The following CTSB variants were observed in gnomAD, a reference collection of about 807,000 sequenced individuals.
CTSB encodes APP secretase.
A neutral mutation model predicts 44.3 loss-of-function variants in CTSB; 57 were observed. That is an observed-to-expected ratio of 1.29 (90% CI 1.04 to 1.60). The LOEUF (loss-of-function observed/expected upper bound fraction) is 1.60, where lower values mean the gene tolerates loss of function less well. Among genes scored for constraint, CTSB ranks in the 40% most tolerant of loss-of-function variants. The pLI is 0.00. For synonymous variants in CTSB, 320 were observed against 168.0 expected (o/e 1.91, Z -7.00); for missense variants, 768 against 443.0 (o/e 1.73, Z -6.59).
intron 4 of CTSB, chr8:11,849,924 A>T (rs967094469): frequency 4.6e-5 from 7 of 152,244 alleles, no homozygotes; most frequent in African/African-American, 1.7e-4. Flanking sequence ...CAGAAAATAA[A>T]TACTGTTGTG....
At chr8:11,859,394 G>C (rs73663032) in intron 1 of CTSB, among the ~76,000 whole-genome samples, 3 of 152,044 alleles carry the variant, frequency 2.0e-5, no homozygotes, top group Admixed American at 2.0e-4. Flanking sequence ...GAGGAGGTGC[G>C]GCTAAGTCAC....
chr8:11,861,160 T>C (rs1337520869), intron 1 of CTSB, among the ~76,000 whole-genome samples: 1 of 152,238 alleles, frequency 6.6e-6, no homozygotes, highest in African/African-American at 2.4e-5. Context: ...CTCGGTCTCA[T>C]CAGTCCCCTG....
chr8:11,861,806 A>T (rs1816456189), intron 1 of CTSB, among the ~76,000 whole-genome samples: 1 of 152,174 alleles, frequency 6.6e-6, no homozygotes. Context: ...TGTTCTGCTC[A>T]TTAGTGTTCT....
At chr8:11,853,782 G>C (rs867199207) in intron 1 of CTSB, 2 of 262,880 alleles carry the variant, frequency 7.6e-6, no homozygotes, top group South Asian at 7.2e-5. Context: ...GCATGGATTT[G>C]TAGAACAGCT....
intron 1 of CTSB, chr8:11,865,670 G>C (rs928756307): frequency 6.6e-6 from 1 of 151,554 alleles, no homozygotes; most frequent in African/African-American, 2.4e-5. Flanking sequence ...TATCTCGAAA[G>C]GACGGTATGT....
intron 1 of CTSB, 162 bp downstream of exon 1, chr8:11,867,839 G>A (rs1397407949): frequency 6.6e-6 from 1 of 151,876 alleles, no homozygotes; most frequent in Admixed American, 6.6e-5. Context: ...CGCCCGTCAG[G>A]GACAGTCCCG....
chr8:11,848,414 G>C (rs1813866499), intron 5 of CTSB: 1 of 605,858 alleles, frequency 1.7e-6, no homozygotes, highest in Non-Finnish European at 3.1e-6. Flanking sequence ...GTCCATACCA[G>C]ACCAGGCTAC....
intron 1 of CTSB, among the ~76,000 whole-genome samples, chr8:11,854,209 C>T (rs901021248): frequency 1.3e-5 from 2 of 152,134 alleles, no homozygotes; most frequent in African/African-American, 2.4e-5. Context: ...GTCTCCTGGG[C>T]GCCTGCATCC....
chr8:11,861,982 C>G (rs1450576816), intron 1 of CTSB, among the ~76,000 whole-genome samples: 1 of 151,938 alleles, frequency 6.6e-6, no homozygotes, highest in African/African-American at 2.4e-5. Context: ...CTGAGGTGGG[C>G]GAATCACGAG....
In CTSB at chr8:11,845,724, C is replaced by T. The variant is rs745768579; in HGVS notation, c.859G>A (p.Val287Met). The T allele has an allele frequency of 2.5e-6, 4 of 1,614,146 alleles. No homozygotes were observed. Among genetic ancestry groups the T allele is most frequent in the African/African-American group, 1.3e-5 (1 of 75,062 alleles). The change falls in exon 9 of 10, where the codon GTG becomes ATG. Residue 287 changes from valine (V) to methionine (M), a missense_variant. By Grantham distance (21) the Val-to-Met change is conservative. Transcript: ENST00000353047. ...AGCCAGTAGGGTGTGCCATTCTCCA[C>T]TCCCCAGCCCAGGATGCGGATGGCA... ...GHAIRILGWGVENGTPYWLVA... is the reference protein window; with the variant it reads ...GHAIRILGWGMENGTPYWLVA...
At position 11,851,023 on chromosome 8, in the gene CTSB, C is replaced by G. The variant is rs374435610; in HGVS notation, c.213-43G>C. 4.3e-5 allele frequency: 63 copies of G among 1,459,118 alleles called. No homozygotes were observed. The African/African-American group carries it at 8.2e-4, about 19-fold the overall frequency. The allele number at this position is 1,459,118 out of a possible 1,614,324, so 90.4% of individuals were successfully genotyped here. A position where few individuals can be genotyped will look rare whatever the true frequency, so the allele number is the denominator to read the frequency against. ...TTCATTACAAGCTCTGATCCCACAA[C>G]TCCCTCCCCAATCCCTGCAAAGGCC... On this transcript the variant is annotated intron_variant, in intron 3 of 9. Coordinates refer to ENST00000353047, the MANE Select transcript of CTSB (RefSeq NM_001908.5).
chr8:11,850,651 T>A (rs1814418843), intron 4 of CTSB: 1 of 430,446 alleles, frequency 2.3e-6, no homozygotes, highest in African/African-American at 2.0e-5. Flanking sequence ...CACGTGGACT[T>A]GCAATCTGCT....
At position 11,842,961 on chromosome 8, in the gene CTSB, A is replaced by G. The variant is rs1281050533; in HGVS notation, c.*2164T>C. 8.0e-5 allele frequency: 4 copies of G among 49,808 alleles called. No individual in the cohort carries two copies. In the Admixed American group the frequency reaches 9.5e-4, roughly 12 times the overall value. 3.1% of individuals were successfully genotyped at this position (49,808 alleles called of 1,614,324 possible). A position where few individuals can be genotyped will look rare whatever the true frequency, so the allele number is the denominator to read the frequency against. On this transcript the variant is annotated 3_prime_UTR_variant, in exon 10 of 10. Transcript: ENST00000353047. The stretch of plus-strand genomic sequence containing the variant: ...CTTTTTTTTTTTTTTTTTTTTTTTA[A>G]TTATTGAGACGGAGCCTTGCGCTGT...
rs1207581680 is a variant in CTSB, at chr8:11,847,687, T to A, written c.668A>T (p.Lys223Met). 6.4e-7 allele frequency: 1 copy of A among 1,566,850 alleles called. No homozygotes were observed. The highest frequency in any genetic ancestry group is 8.6e-7 in the Non-Finnish European group (1 of 1,159,534). Residue 223 changes from lysine to methionine, a missense_variant, in exon 7 of 10, where the codon AAG (lysine) becomes ATG (methionine). Coordinates refer to ENST00000353047, the MANE Select transcript of CTSB (RefSeq NM_001908.5). Reference protein sequence around the residue: ...PGYSPTYKQDKHYGYNSYSVS... With the variant: ...PGYSPTYKQDMHYGYNSYSVS... ...GGCCCCAGGCCCCTTACCGTAGTGC[T>A]TGTCCTGTTTGTAGGTCGGGCTGTA...
At chr8:11,851,622 GC>G (rs1563403959) in intron 3 of CTSB, among the ~76,000 whole-genome samples, 1 of 152,136 alleles carries the variant, frequency 6.6e-6, no homozygotes, top group Admixed American at 6.5e-5. Flanking sequence ...CTGCTCTCCT[GC>G]CTCAACCTCT....
At chr8:11,867,020 TG>T (rs151072284) in intron 1 of CTSB, among the ~76,000 whole-genome samples, 1 of 152,122 alleles carries the variant, frequency 6.6e-6, no homozygotes, top group Non-Finnish European at 1.5e-5. Context: ...CCAGTGGGTT[TG>T]GGGGGTCTCT....
chr8:11,850,318 CTG>C (rs1563399061), intron 4 of CTSB, among the ~76,000 whole-genome samples: 1 of 147,180 alleles, frequency 6.8e-6, no homozygotes, highest in Non-Finnish European at 1.5e-5. Flanking sequence ...ACTGGGGAGA[CTG>C]AGGCAGGAGA....
chr8:11,854,123 G>A (rs917431542), intron 1 of CTSB, among the ~76,000 whole-genome samples: 1 of 152,218 alleles, frequency 6.6e-6, no homozygotes, highest in African/African-American at 2.4e-5. Context: ...ACTGGCTCAT[G>A]AGTCACAAGC....
Position 11,844,413 on chromosome 8 carries a change from C to CCTAAA in CTSB, c.*707_*711dup, listed in dbSNP as rs747937459. On this transcript the variant is annotated 3_prime_UTR_variant, in exon 10 of 10. Transcript: ENST00000353047. ...TCAAAAACAGTAAAAGCTGGTTTCT[C>CCTAAA]CTAAACTATTTTCCTTGTGGTAGTA... is the stretch of plus-strand genomic sequence containing the variant. The CCTAAA allele has an allele frequency of 6.6e-6, 1 of 152,174 alleles. No individual in the cohort carries two copies. Among genetic ancestry groups the CCTAAA allele is most frequent in the African/African-American group, 2.4e-5 (1 of 41,432 alleles). The allele number at this position is 152,174 out of a possible 1,614,324, so 9.4% of individuals were successfully genotyped here.
Sources: allele counts gnomAD v4.1 joint callset (sites outside exome capture counted in the v4.1 genomes callset), GRCh38; gene constraint gnomAD v4.1.1; transcripts MANE v1.5; gene names NCBI Gene and HGNC (gene_info 2026-07-23, HGNC 2026-07-21).